The following PDE10A variants were observed in gnomAD, a reference collection of about 807,000 sequenced individuals.
The protein encoded by PDE10A is cAMP and cAMP-inhibited cGMP 3',5'-cyclic phosphodiesterase 10A.
PDE10A carries 39 observed loss-of-function variants against 97.7 expected under a neutral mutation model. The ratio of observed to expected loss-of-function variants is 0.40; its 90% confidence interval spans 0.31 to 0.52. PDE10A has a LOEUF of 0.52. PDE10A is among the 20% of genes least tolerant of loss of function. PDE10A has a pLI of 0.56. For synonymous variants in PDE10A, 371 were observed against 376.8 expected, an observed-to-expected ratio of 0.98 and a Z score of 0.18; for missense variants, 731 against 1,047.8, an observed-to-expected ratio of 0.70 and a Z score of 4.17.
chr6:165,676,620 A>G (rs4709087), intron 1 of PDE10A, among the ~76,000 whole-genome samples: 132,959 of 152,074 alleles, frequency 0.87, 58,285 homozygotes, highest in South Asian at 0.92. Flanking sequence ...ACCCAGGCCC[A>G]TGTGCCTGGA....
chr6:165,553,470 G>C (rs1784112492), intron 1 of PDE10A, among the ~76,000 whole-genome samples: 1 of 152,116 alleles, frequency 6.6e-6, no homozygotes. Flanking sequence ...AACTATCCTT[G>C]TCCCCAAATA....
chr6:165,636,439 G>C (rs1407166401), intron 1 of PDE10A, among the ~76,000 whole-genome samples: 3 of 152,162 alleles, frequency 2.0e-5, no homozygotes. Flanking sequence ...AGAATTTTGA[G>C]AATCAATCAT....
intron 1 of PDE10A, among the ~76,000 whole-genome samples, chr6:165,889,311 A>C (rs1410872968): frequency 5.3e-5 from 8 of 152,188 alleles, no homozygotes; most frequent in Non-Finnish European, 1.0e-4. Flanking sequence ...ATAATGAATT[A>C]TTTGCACACA....
chr6:165,942,151 G>A (rs986125458), intron 1 of PDE10A, among the ~76,000 whole-genome samples: 2 of 152,098 alleles, frequency 1.3e-5, no homozygotes, highest in Non-Finnish European at 2.9e-5. Context: ...GTCCGTTACT[G>A]CCTCATTTAT....
intron 1 of PDE10A, among the ~76,000 whole-genome samples, chr6:165,687,668 G>A (rs1791158500): frequency 6.6e-6 from 1 of 152,190 alleles, no homozygotes; most frequent in Non-Finnish European, 1.5e-5. Flanking sequence ...GTTCTACGCT[G>A]TTTTTATGCA....
At chr6:165,852,179 C>G (rs1234435980) in intron 1 of PDE10A, among the ~76,000 whole-genome samples, 1 of 152,204 alleles carries the variant, frequency 6.6e-6, no homozygotes, top group Non-Finnish European at 1.5e-5. Context: ...GGAAGGCTCT[C>G]TTAGAAGCCT....
chr6:165,589,082 C>T (rs1252025138), intron 1 of PDE10A, among the ~76,000 whole-genome samples: 1 of 152,128 alleles, frequency 6.6e-6, no homozygotes, highest in Non-Finnish European at 1.5e-5. Context: ...CCAACATATA[C>T]AAGCTCACTT....
At chr6:165,870,590 A>G (rs1781180212) in intron 1 of PDE10A, among the ~76,000 whole-genome samples, 1 of 152,204 alleles carries the variant, frequency 6.6e-6, no homozygotes, top group South Asian at 2.1e-4. Context: ...CAATCCAGCA[A>G]TTCCACTACT....
At chr6:165,501,496 C>A (rs188635837) in intron 2 of PDE10A, among the ~76,000 whole-genome samples, 1 of 151,946 alleles carries the variant, frequency 6.6e-6, no homozygotes, top group African/African-American at 2.4e-5. Flanking sequence ...TGGCGTGAAC[C>A]CAGGAGGTGG....
At chr6:165,787,139 T>C (rs757345361) in intron 1 of PDE10A, among the ~76,000 whole-genome samples, 60 of 152,088 alleles carry the variant, frequency 3.9e-4, no homozygotes, top group Non-Finnish European at 8.7e-4. Flanking sequence ...AGAAGCGAGA[T>C]AAAATTTAAT....
intron 2 of PDE10A, among the ~76,000 whole-genome samples, chr6:165,488,720 C>G (rs768140925): frequency 6.6e-6 from 1 of 152,122 alleles, no homozygotes; most frequent in Admixed American, 6.6e-5. Context: ...TGCTCACCAC[C>G]TGTCTGGAAA....
chr6:165,458,467 G>A (rs1338023699), intron 3 of PDE10A, among the ~76,000 whole-genome samples: 1 of 152,116 alleles, frequency 6.6e-6, no homozygotes, highest in East Asian at 1.9e-4. Context: ...CCCCGAATGT[G>A]CCATCACCTT....
At chr6:165,369,308 G>A (rs1269675516) in intron 18 of PDE10A, among the ~76,000 whole-genome samples, 2 of 151,624 alleles carry the variant, frequency 1.3e-5, no homozygotes, top group Admixed American at 1.3e-4. Context: ...TCAAACCAAA[G>A]ACAAAGAAGC....
rs1263403380 is a variant in PDE10A, at chr6:165,958,690, GAAAGAGAA to G, written c.-615+28831_-615+28838del. On this transcript the variant is annotated intron_variant, in intron 1 of 19. Transcript: ENST00000366882. ...GAAGGGAAAGAAGGAAGGAAAGAAA[GAAAGAGAA>G]AGAAAGAAAGAAAGAGAGAAGAAAG... Among the ~76,000 whole-genome samples, 18 of 138,324 alleles carry G rather than the reference GAAAGAGAA, an allele frequency of 1.3e-4. No individual in the cohort carries two copies. The South Asian group carries it at 3.6e-3, about 28-fold the overall frequency. 90.7% of individuals were successfully genotyped at this position (138,324 alleles called of 152,430 possible).
intron 1 of PDE10A, among the ~76,000 whole-genome samples, chr6:165,629,139 A>G (rs530062693): frequency 1.3e-5 from 2 of 152,248 alleles, no homozygotes; most frequent in Admixed American, 1.3e-4. Context: ...AAGAGTTCCT[A>G]AGTGTTGGAA....
At chr6:165,581,557 T>G (rs533431146) in intron 1 of PDE10A, among the ~76,000 whole-genome samples, 21 of 152,352 alleles carry the variant, frequency 1.4e-4, no homozygotes, top group Middle Eastern at 3.4e-3. Flanking sequence ...CCCCCAGAAC[T>G]GTGAGAAATA....
intron 1 of PDE10A, among the ~76,000 whole-genome samples, chr6:165,619,753 T>C (rs1387662225): frequency 6.6e-6 from 1 of 151,930 alleles, no homozygotes; most frequent in East Asian, 1.9e-4. Flanking sequence ...TGCAGTGTAG[T>C]CTAGTGTAGT....
intron 1 of PDE10A, among the ~76,000 whole-genome samples, chr6:165,981,841 A>C (rs1313933078): frequency 6.6e-6 from 1 of 150,722 alleles, no homozygotes; most frequent in Non-Finnish European, 1.5e-5. Context: ...CCTTTGAGAG[A>C]TATTTTTGTA....
upstream of PDE10A, among the ~76,000 whole-genome samples, chr6:165,665,243 G>A (rs1171141277): frequency 6.6e-6 from 1 of 152,198 alleles, no homozygotes; most frequent in African/African-American, 2.4e-5. Context: ...GAGGCATTCA[G>A]CCACTTTCTT....
Sources: gnomAD v4.1 joint callset for allele counts (sites outside exome capture counted in the v4.1 genomes callset) on GRCh38, gnomAD v4.1.1 for gene constraint, MANE v1.5 for transcripts, NCBI Gene and HGNC (gene_info 2026-07-23, HGNC 2026-07-21) for gene names.